Variants in PFKL observed in about 807,000 individuals in gnomAD.
The protein encoded by PFKL is ATP-dependent 6-phosphofructokinase, liver type.
Under a neutral mutation model 92.1 loss-of-function variants are expected in PFKL, and 74 were observed. The ratio of observed to expected loss-of-function variants is 0.80; its 90% confidence interval spans 0.67 to 0.97. PFKL has a LOEUF of 0.97. PFKL is among the 50% of genes least tolerant of loss of function. The pLI, the probability that PFKL is intolerant of heterozygous loss-of-function variation, is 0.00. For missense variants in PFKL, 1,028 were observed against 1,116.6 expected, an observed-to-expected ratio of 0.92 and a Z score of 1.13; for synonymous variants, 494 against 456.4, an observed-to-expected ratio of 1.08 and a Z score of -1.05.
chr21:44,305,794 C>T (rs374455335), intron 1 of PFKL: 12 of 1,366,810 alleles, frequency 8.8e-6, no homozygotes, highest in South Asian at 1.1e-5. Flanking sequence ...TAATGTCCCT[C>T]TCCAGGAAAC....
chr21:44,326,406 A>C, intron 21 of PFKL, 142 bp downstream of exon 21: 1 of 696,330 alleles, frequency 1.4e-6, no homozygotes, highest in Non-Finnish European at 2.4e-6. Context: ...GGTCCCCGCC[A>C]GGCCGTGGAG....
Position 44,322,221 on chromosome 21 carries a change from G to A in PFKL, c.1409+18G>A. The A allele has an allele frequency of 1.9e-6, 3 of 1,593,620 alleles. No individual in the cohort carries two copies. The highest frequency in any genetic ancestry group is 1.3e-5 in the African/African-American group (1 of 74,786). On this transcript the variant is annotated intron_variant, in intron 14 of 21. Transcript: ENST00000349048. ...ACCAAGAGGTGAGCTGCCTGCTGCG[G>A]GTACCTGGGGGCAGGAGGGCCAGGG...
In PFKL at chr21:44,300,775, G is replaced by A. The variant is rs190788037; in HGVS notation, c.85+585G>A. The stretch of plus-strand genomic sequence containing the variant: ...CCCAGTTGTCACCCTTTTCGCAGGG[G>A]TACTGGGGAGGCCTCAGGTGGTGGG... On this transcript the variant is annotated intron_variant, in intron 1 of 21. Coordinates refer to ENST00000349048, the MANE Select transcript of PFKL (RefSeq NM_002626.6). Among the ~76,000 whole-genome samples, 313 of 152,356 alleles carry A rather than the reference G, an allele frequency of 2.1e-3. 2 individuals are homozygous for A. Among genetic ancestry groups the A allele is most frequent in the African/African-American group, 7.1e-3 (295 of 41,594 alleles).
rs781621216 is a variant in PFKL, at chr21:44,326,028, T to C, written c.2057T>C (p.Leu686Ser). The change falls in exon 20 of 22, where the codon TTG becomes TCG. Residue 686 changes from leucine (L) to serine (S), a missense_variant. Leu to Ser is a moderately radical substitution (Grantham distance 145). Transcript: ENST00000349048. ...CTGGGGGTGAAGGCCATGCTGTGGT[T>C]GTCGGAGAAGCTGCGCGAGGTTTAC... ...TKLGVKAMLW[L>S]SEKLREVYRK... 6.2e-7 allele frequency: 1 copy of C among 1,613,856 alleles called. No individual in the cohort carries two copies. Among genetic ancestry groups the C allele is most frequent in the South Asian group, 1.1e-5 (1 of 91,088 alleles).
chr21:44,320,278 G>A (rs1467340206), intron 12 of PFKL, 131 bp downstream of exon 12: 4 of 734,368 alleles, frequency 5.4e-6, no homozygotes, highest in African/African-American at 5.3e-5. Context: ...TGTGAGCTGG[G>A]AGGGTGGGCC....
intron 2 of PFKL, among the ~76,000 whole-genome samples, chr21:44,310,595 A>T (rs1252393675): frequency 6.6e-6 from 1 of 152,158 alleles, no homozygotes; most frequent in Non-Finnish European, 1.5e-5. Context: ...GGACAGAAGG[A>T]GCCACGCACA....
At chr21:44,302,247 C>T (rs562369178) in intron 1 of PFKL, among the ~76,000 whole-genome samples, 166 of 152,388 alleles carry the variant, frequency 1.1e-3, no homozygotes, top group Non-Finnish European at 6.9e-4. Context: ...TCCCAAGCCC[C>T]GTGCAGCTGC....
chr21:44,307,271 G>A, intron 2 of PFKL: 1 of 985,296 alleles, frequency 1.0e-6, no homozygotes. Context: ...AGCAGCGGAT[G>A]CCCTACTGCC....
At chr21:44,316,096 C>T in intron 7 of PFKL, 148 bp from the exon 8 acceptor site, 1 of 705,578 alleles carries the variant, frequency 1.4e-6, no homozygotes, top group South Asian at 1.7e-5. Context: ...GCGCTCCAGG[C>T]CTGCTTTCCT....
At chr21:44,310,346 C>G (rs536512840) in intron 2 of PFKL, among the ~76,000 whole-genome samples, 35 of 152,292 alleles carry the variant, frequency 2.3e-4, no homozygotes, top group Non-Finnish European at 4.7e-4. Flanking sequence ...GCCGGCGTGG[C>G]GGGACGCGGA....
At chr21:44,313,882 GTCCT>G in intron 6 of PFKL, 27 bp from the exon 7 acceptor site, 1 of 1,517,558 alleles carries the variant, frequency 6.6e-7, no homozygotes, top group Non-Finnish European at 8.9e-7. Context: ...CTGGGTGGGG[GTCCT>G]GAGCAGGCAG....
intron 1 of PFKL, chr21:44,304,502 G>A: frequency 1.7e-6 from 2 of 1,154,310 alleles, no homozygotes; most frequent in Non-Finnish European, 2.2e-6. Context: ...GAGGGCGAGG[G>A]AGGGACGGAG....
chr21:44,320,344 C>G, intron 12 of PFKL, 197 bp downstream of exon 12: 1 of 494,760 alleles, frequency 2.0e-6, no homozygotes, highest in Non-Finnish European at 3.6e-6. Context: ...GGTGCTGGGA[C>G]CCTGGCTGCA....
intron 7 of PFKL, 98 bp downstream of exon 7, chr21:44,314,119 C>T: frequency 1.3e-6 from 1 of 796,648 alleles, no homozygotes; most frequent in Non-Finnish European, 2.1e-6. Flanking sequence ...TCATCTATCA[C>T]TCATGGGTTC....
intron 7 of PFKL, chr21:44,315,979 C>T (rs895642361): frequency 2.0e-6 from 1 of 511,530 alleles, no homozygotes; most frequent in Non-Finnish European, 3.6e-6. Context: ...CCCCGAGGGC[C>T]CCCTTCCTCC....
chr21:44,311,910 C>A (rs994595460), intron 3 of PFKL, among the ~76,000 whole-genome samples, 195 bp from the exon 4 acceptor site: 1 of 152,232 alleles, frequency 6.6e-6, no homozygotes, highest in Non-Finnish European at 1.5e-5. Context: ...ACATCATCCT[C>A]CTCTTTGTCT....
chr21:44,304,516 T>C (rs2040872154), intron 1 of PFKL: 2 of 1,144,128 alleles, frequency 1.7e-6, no homozygotes, highest in Admixed American at 4.7e-5. Flanking sequence ...GACGGAGGCT[T>C]AGCTTCGGCC....
Position 44,316,336 on chromosome 21 carries a change from G to A in PFKL, c.840G>A (p.Lys280=), listed in dbSNP as rs1568958389. ...NGKPISSSYV[K]DLVVQRLGFD... ...AGCCCATCTCGTCCAGCTACGTGAAGGACGTGCGTGTGGGCCTGGGGGTGG... is the reference window on the plus strand; with the variant it reads ...AGCCCATCTCGTCCAGCTACGTGAAAGACGTGCGTGTGGGCCTGGGGGTGG... The change falls in exon 8 of 22, where the codon AAG becomes AAA. Residue 280 remains lysine (K), a synonymous_variant. Transcript: ENST00000349048. The A allele has an allele frequency of 6.2e-7, 1 of 1,613,258 alleles. No individual in the cohort carries two copies. The highest frequency in any genetic ancestry group is 8.5e-7 in the Non-Finnish European group (1 of 1,179,922).
chr21:44,325,036 A>T, intron 18 of PFKL, 117 bp from the exon 19 acceptor site: 1 of 1,212,784 alleles, frequency 8.2e-7, no homozygotes, highest in Non-Finnish European at 1.2e-6. Flanking sequence ...AGGGTGGGCC[A>T]GGGCGGCTTT....
Sources: allele counts gnomAD v4.1 joint callset (sites outside exome capture counted in the v4.1 genomes callset), GRCh38; gene constraint gnomAD v4.1.1; transcripts MANE v1.5; gene names NCBI Gene and HGNC (gene_info 2026-07-23, HGNC 2026-07-21).